Variants in APBB2 observed in about 807,000 individuals in gnomAD.
APBB2 encodes the protein Fe65-like 1.
A neutral mutation model predicts 82.5 loss-of-function variants in APBB2; 38 were observed. The observed-to-expected ratio is 0.46, with a 90% CI of 0.36 to 0.60. The LOEUF (loss-of-function observed/expected upper bound fraction) is 0.60, where lower values mean the gene tolerates loss of function less well. APBB2 is among the 20% of genes least tolerant of loss of function. The pLI is 0.00. For synonymous variants in APBB2, 341 were observed against 368.2 expected (o/e 0.93, Z 0.85); for missense variants, 772 against 972.3 (o/e 0.79, Z 2.74).
chr4:40,974,659 AT>A (rs1392207911), intron 6 of APBB2, among the ~76,000 whole-genome samples: 2 of 152,228 alleles, frequency 1.3e-5, no homozygotes, highest in African/African-American at 4.8e-5. Context: ...CAATATCTCC[AT>A]GAAGATCTGT....
At chr4:41,204,894 C>T (rs1049736581) in intron 1 of APBB2, among the ~76,000 whole-genome samples, 6 of 152,204 alleles carry the variant, frequency 3.9e-5, no homozygotes, top group Non-Finnish European at 8.8e-5. Context: ...GAATGAAATG[C>T]TTTCCAAGTC....
At chr4:40,919,604 C>T (rs999901117) in intron 10 of APBB2, among the ~76,000 whole-genome samples, 2 of 152,206 alleles carry the variant, frequency 1.3e-5, no homozygotes, top group African/African-American at 4.8e-5. Flanking sequence ...ACACTTGGGA[C>T]TGGGCTAAGC....
chr4:41,106,621 C>G (rs1580088019), intron 2 of APBB2, among the ~76,000 whole-genome samples: 1 of 152,026 alleles, frequency 6.6e-6, no homozygotes, highest in African/African-American at 2.4e-5. Flanking sequence ...GGACTACAGG[C>G]GCCCGCCACC....
chr4:40,953,354 T>C (rs954318770), intron 6 of APBB2, among the ~76,000 whole-genome samples: 4 of 144,650 alleles, frequency 2.8e-5, no homozygotes, highest in East Asian at 2.0e-4. Context: ...ATGGACAGCA[T>C]TGGGAAATTA....
intron 3 of APBB2, among the ~76,000 whole-genome samples, chr4:41,091,507 C>T (rs1290713141): frequency 6.6e-6 from 1 of 152,176 alleles, no homozygotes; most frequent in Admixed American, 6.5e-5. Context: ...CCAAACAAGA[C>T]ACTGTGGCCT....
At chr4:41,140,720 C>A (rs2154019884) in intron 2 of APBB2, among the ~76,000 whole-genome samples, 1 of 152,332 alleles carries the variant, frequency 6.6e-6, no homozygotes, top group South Asian at 2.1e-4. Context: ...ACCTCCTGGG[C>A]TCTGCCCCCT....
At chr4:40,929,049 T>G (rs1056269905) in intron 10 of APBB2, among the ~76,000 whole-genome samples, 1 of 151,388 alleles carries the variant, frequency 6.6e-6, no homozygotes, top group African/African-American at 2.4e-5. Context: ...ATACAGTGTT[T>G]ATTAATAATT....
chr4:40,918,506 T>C lies in APBB2; in HGVS notation c.1254+15950A>G, dbSNP rs566766332. On this transcript the variant is annotated intron_variant, in intron 10 of 17. Transcript: ENST00000508593. ...CTCTTGGACAGTAAGAGTGCTTTAATGCCGTTAATGGCAGCAGGCCAGATT... is the reference window on the plus strand; with the variant it reads ...CTCTTGGACAGTAAGAGTGCTTTAACGCCGTTAATGGCAGCAGGCCAGATT... Among the ~76,000 whole-genome samples the C allele has an allele frequency of 1.2e-4, 18 of 152,380 alleles. No homozygotes were observed. In the South Asian group the frequency reaches 3.5e-3, roughly 30 times the overall value.
intron 6 of APBB2, among the ~76,000 whole-genome samples, chr4:40,987,563 T>A (rs1800724434): frequency 6.6e-6 from 1 of 152,208 alleles, no homozygotes. Flanking sequence ...TTGAAATGTA[T>A]TTAAAATTAG....
intron 6 of APBB2, among the ~76,000 whole-genome samples, chr4:41,011,154 T>A (rs1392963097): frequency 6.6e-6 from 1 of 151,746 alleles, no homozygotes; most frequent in African/African-American, 2.4e-5. Context: ...TATTGTTTTT[T>A]TTTTTAATTT....
chr4:40,902,248 G>A (rs571459899), intron 10 of APBB2, among the ~76,000 whole-genome samples: 1 of 152,338 alleles, frequency 6.6e-6, no homozygotes, highest in South Asian at 2.1e-4. Flanking sequence ...AGACAGCAGA[G>A]TGCTCACCGT....
At chr4:41,204,687 C>G (rs1777516168) in intron 1 of APBB2, among the ~76,000 whole-genome samples, 1 of 152,202 alleles carries the variant, frequency 6.6e-6, no homozygotes, top group Non-Finnish European at 1.5e-5. Flanking sequence ...GAGGCAGTGG[C>G]CATCCTGGTC....
At chr4:40,973,170 T>C (rs1796361762) in intron 6 of APBB2, among the ~76,000 whole-genome samples, 1 of 152,184 alleles carries the variant, frequency 6.6e-6, no homozygotes, top group Non-Finnish European at 1.5e-5. Flanking sequence ...AGGTAAACTC[T>C]ATGGACTACA....
intron 6 of APBB2, among the ~76,000 whole-genome samples, chr4:41,008,632 C>T (rs918110287): frequency 6.6e-6 from 1 of 152,148 alleles, no homozygotes; most frequent in African/African-American, 2.4e-5. Flanking sequence ...CTGATACTGT[C>T]TCTAATATAA....
intron 4 of APBB2, among the ~76,000 whole-genome samples, chr4:41,042,996 T>C (rs2154448681): frequency 6.6e-6 from 1 of 152,338 alleles, no homozygotes; most frequent in African/African-American, 2.4e-5. Flanking sequence ...TATAATGCTA[T>C]GTGAGGATCC....
chr4:41,036,664 G>C (rs529107153), intron 4 of APBB2, among the ~76,000 whole-genome samples: 1 of 152,200 alleles, frequency 6.6e-6, no homozygotes, highest in East Asian at 1.9e-4. Context: ...CCAGACTGGA[G>C]AGTCAGGAAA....
intron 6 of APBB2, among the ~76,000 whole-genome samples, chr4:40,981,640 T>A (rs924543937): frequency 6.6e-6 from 1 of 152,198 alleles, no homozygotes; most frequent in Non-Finnish European, 1.5e-5. Context: ...GCATGGTCTC[T>A]GCTACCAACA....
Position 40,902,941 on chromosome 4 carries a change from G to A in APBB2, c.1255-9530C>T, listed in dbSNP as rs573360258. On this transcript the variant is annotated intron_variant, in intron 10 of 17. Transcript: ENST00000508593. ...GGATCACTTGAGGCCGAGAGTTCAA[G>A]ACAAGCCTGGGTAACAAAGTGAGAC... Among the ~76,000 whole-genome samples the A allele has an allele frequency of 1.8e-3, 274 of 152,298 alleles. 2 individuals carry two copies. Among genetic ancestry groups the A allele is most frequent in the African/African-American group, 6.3e-3 (261 of 41,556 alleles).
At chr4:40,964,753 A>AACACACACACACACACACAGACACACAC (rs1794189695) in intron 6 of APBB2, among the ~76,000 whole-genome samples, 1 of 139,666 alleles carries the variant, frequency 7.2e-6, no homozygotes, top group African/African-American at 2.7e-5. Flanking sequence ...CCATTGAATA[A>AACACACACACACACACACAGACACACAC]ACACACACAC....
Sources: gnomAD v4.1 joint callset for allele counts (sites outside exome capture counted in the v4.1 genomes callset) on GRCh38, gnomAD v4.1.1 for gene constraint, MANE v1.5 for transcripts, NCBI Gene and HGNC (gene_info 2026-07-23, HGNC 2026-07-21) for gene names.